The following PDE4D variants were observed in gnomAD, a reference collection of about 807,000 sequenced individuals.
PDE4D encodes phosphodiesterase 4D.
A neutral mutation model predicts 87.4 loss-of-function variants in PDE4D; 24 were observed. That is an observed-to-expected ratio of 0.27 (90% CI 0.20 to 0.39). PDE4D has a LOEUF of 0.39. PDE4D is among the 10% of genes least tolerant of loss of function. The pLI is 1.00. For synonymous variants in PDE4D, 384 were observed against 383.2 expected, an observed-to-expected ratio of 1.00 and a Z score of -0.02; for missense variants, 714 against 1,041.0, an observed-to-expected ratio of 0.69 and a Z score of 4.32.
intron 1 of PDE4D, among the ~76,000 whole-genome samples, chr5:60,442,989 C>T (rs1745361987): frequency 6.6e-6 from 1 of 151,900 alleles, no homozygotes. Flanking sequence ...AGACATGGTG[C>T]AACTTAATAT....
intron 1 of PDE4D, among the ~76,000 whole-genome samples, chr5:60,291,140 G>T (rs1752860314): frequency 1.3e-5 from 2 of 152,126 alleles, no homozygotes; most frequent in Admixed American, 1.3e-4. Flanking sequence ...TCTTGACATG[G>T]ATACAAACCA....
rs117894264 is a variant in PDE4D at position 59,340,251 on chromosome 5, G to A, written c.456-124283C>T. 5.1e-4 allele frequency among the ~76,000 whole-genome samples: 77 copies of A among 152,054 alleles called. 3 individuals are homozygous for A. In the East Asian group the frequency reaches 6.0e-3, roughly 12 times the overall value. On this transcript the variant is annotated intron_variant, in intron 1 of 14. Coordinates refer to ENST00000340635, the MANE Select transcript of PDE4D (RefSeq NM_001104631.2). ...TAATAATTTTCTTAGCTGTTTTTGCGTAGTGTCTACTGTCTAGATCAACGC... is the reference window on the plus strand; with the variant it reads ...TAATAATTTTCTTAGCTGTTTTTGCATAGTGTCTACTGTCTAGATCAACGC...
chr5:59,809,012 CA>C (rs1296805927), intron 1 of PDE4D, among the ~76,000 whole-genome samples: 1 of 152,044 alleles, frequency 6.6e-6, no homozygotes, highest in Non-Finnish European at 1.5e-5. Context: ...GGGCACTATT[CA>C]AAACATTCCA....
chr5:59,240,475 C>G (rs568134836), intron 1 of PDE4D, among the ~76,000 whole-genome samples: 4 of 152,236 alleles, frequency 2.6e-5, no homozygotes, highest in Admixed American at 6.5e-5. Flanking sequence ...CATAGTTCTT[C>G]AGATATTTGA....
chr5:59,292,758 G>A (rs1422560965), intron 1 of PDE4D, among the ~76,000 whole-genome samples: 36 of 152,066 alleles, frequency 2.4e-4, no homozygotes, highest in Admixed American at 2.4e-3. Flanking sequence ...GTCTCAAATG[G>A]TTTCATAGCC....
intron 1 of PDE4D, among the ~76,000 whole-genome samples, chr5:59,578,876 C>A (rs1031379537): frequency 2.0e-5 from 3 of 152,136 alleles, no homozygotes; most frequent in Admixed American, 2.0e-4. Flanking sequence ...GGACATGCTT[C>A]CTACTCTTAA....
At chr5:59,562,070 C>G (rs573293700) in intron 1 of PDE4D, among the ~76,000 whole-genome samples, 1 of 152,182 alleles carries the variant, frequency 6.6e-6, no homozygotes, top group Non-Finnish European at 1.5e-5. Flanking sequence ...TTTTTCTCTA[C>G]TGCATATGTC....
At chr5:59,214,891 G>A (rs1459982055) in intron 2 of PDE4D, among the ~76,000 whole-genome samples, 1 of 152,162 alleles carries the variant, frequency 6.6e-6, no homozygotes, top group Admixed American at 6.5e-5. Context: ...ACACTCAGGG[G>A]TTCCATACAG....
At chr5:60,020,873 C>T (rs944692726) in intron 2 of PDE4D, among the ~76,000 whole-genome samples, 4 of 152,212 alleles carry the variant, frequency 2.6e-5, no homozygotes, top group African/African-American at 9.6e-5. Context: ...CAGCCATTCT[C>T]TCTCCCATCC....
intron 1 of PDE4D, among the ~76,000 whole-genome samples, chr5:59,694,671 T>G (rs924693413): frequency 7.2e-5 from 11 of 152,040 alleles, no homozygotes; most frequent in Admixed American, 6.6e-4. Flanking sequence ...ACATTCAGAG[T>G]CCCGCATAGA....
intron 1 of PDE4D, among the ~76,000 whole-genome samples, chr5:59,335,931 G>C (rs1208277326): frequency 6.6e-6 from 1 of 152,142 alleles, no homozygotes; most frequent in Non-Finnish European, 1.5e-5. Context: ...AAATGATCTA[G>C]ACTAGAGGTC....
intron 1 of PDE4D, chr5:59,587,654 G>C: frequency 1.0e-6 from 1 of 981,302 alleles, no homozygotes; most frequent in South Asian, 4.7e-5. Context: ...TGCAGAGACT[G>C]CTGCCTGACA....
intron 1 of PDE4D, among the ~76,000 whole-genome samples, chr5:59,615,882 T>C (rs1257463728): frequency 6.6e-6 from 1 of 152,160 alleles, no homozygotes; most frequent in Non-Finnish European, 1.5e-5. Context: ...TCTATCTATT[T>C]AGTGAATTAT....
intron 3 of PDE4D, among the ~76,000 whole-genome samples, chr5:59,954,614 A>G (rs1167082724): frequency 6.6e-6 from 1 of 152,178 alleles, no homozygotes; most frequent in African/African-American, 2.4e-5. Flanking sequence ...ATAAGAATTC[A>G]TTCTTATTCT....
chr5:60,499,824 T>G (rs574593163), intron 1 of PDE4D, among the ~76,000 whole-genome samples: 2 of 152,328 alleles, frequency 1.3e-5, no homozygotes, highest in South Asian at 4.1e-4. Flanking sequence ...AGCAGAGGTT[T>G]GAAAATGCTT....
At chr5:59,211,858 T>C (rs1750157747) in intron 2 of PDE4D, among the ~76,000 whole-genome samples, 2 of 152,130 alleles carry the variant, frequency 1.3e-5, no homozygotes, top group South Asian at 4.2e-4. Context: ...AGGAAGGGAT[T>C]ATCTTCCTTC....
chr5:59,999,104 A>G (rs1763790187), intron 2 of PDE4D, among the ~76,000 whole-genome samples: 1 of 152,322 alleles, frequency 6.6e-6, no homozygotes, highest in African/African-American at 2.4e-5. Context: ...CTTAAAGAAA[A>G]TAATAGTCTC....
intron 3 of PDE4D, among the ~76,000 whole-genome samples, chr5:59,900,861 T>C (rs568737657): frequency 1.3e-4 from 20 of 152,182 alleles, no homozygotes; most frequent in Non-Finnish European, 2.9e-4. Flanking sequence ...AGGCTAAAAC[T>C]GTATAAAGAT....
At chr5:59,706,779 C>T (rs1004543328) in intron 1 of PDE4D, among the ~76,000 whole-genome samples, 3 of 152,072 alleles carry the variant, frequency 2.0e-5, no homozygotes, top group Non-Finnish European at 4.4e-5. Context: ...AATATAAATC[C>T]TTTTCCGAGC....
Sources: gnomAD v4.1 joint callset for allele counts (sites outside exome capture counted in the v4.1 genomes callset) on GRCh38, gnomAD v4.1.1 for gene constraint, MANE v1.5 for transcripts, NCBI Gene and HGNC (gene_info 2026-07-23, HGNC 2026-07-21) for gene names.